Variants in ATP9A observed in about 807,000 individuals in gnomAD.
The protein encoded by ATP9A is ATPase phospholipid transporting 9A, also known as probable phospholipid-transporting ATPase IIA.
ATP9A carries 52 observed loss-of-function variants against 144.1 expected under a neutral mutation model. That is an observed-to-expected ratio of 0.36 (90% confidence interval 0.29 to 0.45). The LOEUF (loss-of-function observed/expected upper bound fraction) is 0.45, where lower values mean the gene tolerates loss of function less well. Among genes scored for constraint, ATP9A ranks in the 20% least tolerant of loss-of-function variants. The pLI is 1.00. For missense variants in ATP9A, 947 were observed against 1,392.7 expected, an observed-to-expected ratio of 0.68 and a Z score of 5.09; for synonymous variants, 582 against 557.4, an observed-to-expected ratio of 1.04 and a Z score of -0.62.
chr20:51,619,094 G>A, intron 19 of ATP9A, 51 bp from the exon 20 acceptor site: 2 of 1,532,710 alleles, frequency 1.3e-6, no homozygotes. Context: ...GGACATGATA[G>A]AACAACAAAC....
intron 13 of ATP9A, among the ~76,000 whole-genome samples, chr20:51,668,285 G>A (rs929023264): frequency 4.6e-5 from 7 of 151,816 alleles, no homozygotes; most frequent in Non-Finnish European, 1.0e-4. Flanking sequence ...AGGATGGAGG[G>A]CGTGGTGTGC....
At chr20:51,652,230 C>T (rs34808414) in intron 14 of ATP9A, among the ~76,000 whole-genome samples, 4,686 of 152,322 alleles carry the variant, frequency 0.031, 103 homozygotes, top group East Asian at 0.042. Context: ...TCATTTCCTC[C>T]GTGACTTACT....
chr20:51,650,687 G>A (rs1409144255), intron 14 of ATP9A, among the ~76,000 whole-genome samples: 1 of 152,154 alleles, frequency 6.6e-6, no homozygotes, highest in African/African-American at 2.4e-5. Flanking sequence ...GGAAGTCAGG[G>A]AAGGAGAGCA....
Position 51,596,733 on chromosome 20 carries a change from C to T in ATP9A, c.*4478G>A, listed in dbSNP as rs891719963. The T allele has an allele frequency of 5.3e-5, 8 of 152,140 alleles. No homozygotes were observed. The highest frequency in any genetic ancestry group is 1.9e-4 in the African/African-American group (8 of 41,504). The allele number at this position is 152,140 out of a possible 1,614,324, so 9.4% of individuals were successfully genotyped here. On this transcript the variant is annotated 3_prime_UTR_variant, in exon 28 of 28. Transcript: ENST00000338821. ...ATAATAAAAAGTCCTCATTTTGATA[C>T]CAGAATTCATGTTTCTGTACAAATT...
At chr20:51,727,282 A>G (rs1164053293) in intron 2 of ATP9A, among the ~76,000 whole-genome samples, 2 of 151,902 alleles carry the variant, frequency 1.3e-5, no homozygotes, top group Non-Finnish European at 2.9e-5. Flanking sequence ...CTCAAAAAAA[A>G]AAAAAGTTAC....
At chr20:51,715,441 T>C (rs1041422036) in intron 3 of ATP9A, among the ~76,000 whole-genome samples, 4 of 152,228 alleles carry the variant, frequency 2.6e-5, no homozygotes, top group Non-Finnish European at 5.9e-5. Flanking sequence ...TTTGTTGTTC[T>C]GTGCCAAAAC....
chr20:51,761,617 G>A (rs1480263185), intron 1 of ATP9A, among the ~76,000 whole-genome samples: 5 of 152,018 alleles, frequency 3.3e-5, no homozygotes, highest in East Asian at 1.9e-4. Context: ...AAAATTAGCC[G>A]AGCGTGGTGA....
Position 51,750,132 on chromosome 20 carries a change from G to A in ATP9A, c.68+18170C>T, listed in dbSNP as rs577412861. 1.4e-4 allele frequency among the ~76,000 whole-genome samples: 22 copies of A among 152,144 alleles called. No homozygotes were observed. The South Asian group carries it at 4.4e-3, about 30-fold the overall frequency. The stretch of plus-strand genomic sequence containing the variant: ...ATCGCACCACTTGCACTCCAGCCTG[G>A]GTGACAAAGCAAGACTCCGTCTCCA... On this transcript the variant is annotated intron_variant, in intron 1 of 27. Coordinates refer to ENST00000338821, the MANE Select transcript of ATP9A (RefSeq NM_006045.3).
chr20:51,702,365 C>CGTGTGT (rs10578719), intron 4 of ATP9A, among the ~76,000 whole-genome samples: 8,660 of 130,178 alleles, frequency 0.067, 303 homozygotes, highest in Admixed American at 0.12. Context: ...TGTGTGTGTT[C>CGTGTGT]GTGTGTGTGT....
intron 1 of ATP9A, among the ~76,000 whole-genome samples, chr20:51,744,850 C>A (rs1183477951): frequency 6.6e-6 from 1 of 152,198 alleles, no homozygotes; most frequent in Non-Finnish European, 1.5e-5. Context: ...TTAAAAGTAG[C>A]CAGATATGGT....
At chr20:51,721,346 C>T (rs1031285974) in intron 3 of ATP9A, among the ~76,000 whole-genome samples, 2 of 152,144 alleles carry the variant, frequency 1.3e-5, no homozygotes, top group African/African-American at 2.4e-5. Flanking sequence ...ATAAGTTGGG[C>T]GTGTCGGCTC....
intron 1 of ATP9A, among the ~76,000 whole-genome samples, chr20:51,731,869 C>A (rs934156373): frequency 3.3e-5 from 5 of 152,156 alleles, no homozygotes; most frequent in African/African-American, 1.2e-4. Context: ...GCTAGTTCCA[C>A]CAAGATTGCT....
rs1292452403 is a variant in ATP9A, at chr20:51,606,483, G to C, written c.2803+1044C>G. ...AGGCTGAGGCAAGAGAATTGCTTGA[G>C]TCCAGGAGTTTGAGATCAGCCTGCA... On this transcript the variant is annotated intron_variant, in intron 26 of 27. Coordinates refer to ENST00000338821, the MANE Select transcript of ATP9A (RefSeq NM_006045.3). 2.6e-5 allele frequency among the ~76,000 whole-genome samples: 4 copies of C among 152,310 alleles called. No individual in the cohort carries two copies. The East Asian group carries it at 7.7e-4, about 29-fold the overall frequency.
At chr20:51,676,351 G>A in intron 9 of ATP9A, 143 bp from the exon 10 acceptor site, 1 of 601,102 alleles carries the variant, frequency 1.7e-6, no homozygotes, top group East Asian at 3.0e-5. Context: ...TGCTCATGCT[G>A]GAGTCTGGAG....
chr20:51,746,317 G>T (rs887685446), intron 1 of ATP9A, among the ~76,000 whole-genome samples: 1 of 152,164 alleles, frequency 6.6e-6, no homozygotes, highest in Non-Finnish European at 1.5e-5. Flanking sequence ...TAAAATAAAA[G>T]TTTTTAAAAT....
intron 4 of ATP9A, among the ~76,000 whole-genome samples, chr20:51,711,778 T>C (rs1392858276): frequency 7.2e-6 from 1 of 138,612 alleles, no homozygotes; most frequent in Admixed American, 7.4e-5. Flanking sequence ...AAAATGCACA[T>C]ATCTTGCAAG....
chr20:51,724,148 G>T (rs1033532130), intron 3 of ATP9A, among the ~76,000 whole-genome samples: 9 of 151,902 alleles, frequency 5.9e-5, no homozygotes, highest in Admixed American at 1.3e-4. Context: ...TCCAACCTGG[G>T]CAATAAGAGC....
intron 19 of ATP9A, 88 bp downstream of exon 19, chr20:51,621,986 C>A (rs2122724532): frequency 8.6e-7 from 1 of 1,157,872 alleles, no homozygotes. Flanking sequence ...GCTGCCCCTC[C>A]CTTCTTAAGG....
chr20:51,622,260 G>T, intron 18 of ATP9A, 88 bp from the exon 19 acceptor site: 1 of 1,056,340 alleles, frequency 9.5e-7, no homozygotes, highest in Non-Finnish European at 1.5e-6. Flanking sequence ...ACAACATGGA[G>T]CTGAACTTGG....
Sources: gnomAD v4.1 joint callset for allele counts (sites outside exome capture counted in the v4.1 genomes callset) on GRCh38, gnomAD v4.1.1 for gene constraint, MANE v1.5 for transcripts, NCBI Gene and HGNC (gene_info 2026-07-23, HGNC 2026-07-21) for gene names.